Variants in PTPRN2 observed in about 807,000 individuals in gnomAD.
PTPRN2 encodes the protein protein tyrosine phosphatase receptor type N2, also known as receptor-type tyrosine-protein phosphatase N2.
A neutral mutation model predicts 118.8 loss-of-function variants in PTPRN2; 74 were observed. The ratio of observed to expected loss-of-function variants is 0.62; its 90% CI spans 0.52 to 0.76. The LOEUF is 0.76. Among genes scored for constraint, PTPRN2 ranks in the 30% least tolerant of loss-of-function variants. The pLI is 0.00. For missense variants in PTPRN2, 1,481 were observed against 1,394.4 expected, an observed-to-expected ratio of 1.06 and a Z score of -0.99; for synonymous variants, 641 against 608.0, an observed-to-expected ratio of 1.05 and a Z score of -0.80.
At chr7:158,406,711 T>G (rs1391377836) in intron 2 of PTPRN2, among the ~76,000 whole-genome samples, 3 of 152,202 alleles carry the variant, frequency 2.0e-5, no homozygotes, top group Non-Finnish European at 4.4e-5. Flanking sequence ...CTACCTCTCA[T>G]CCCCATGCCA....
chr7:157,588,159 T>G (rs1800781186), intron 17 of PTPRN2, among the ~76,000 whole-genome samples: 1 of 152,248 alleles, frequency 6.6e-6, no homozygotes, highest in Non-Finnish European at 1.5e-5. Context: ...TAGAAACAGC[T>G]GTTGTGTATC....
intron 11 of PTPRN2, among the ~76,000 whole-genome samples, chr7:157,905,244 A>G (rs933680733): frequency 3.3e-5 from 5 of 152,134 alleles, no homozygotes; most frequent in African/African-American, 1.2e-4. Flanking sequence ...AATACTGCCA[A>G]TTTTTAAGTC....
rs3832496 is a variant in PTPRN2, at chr7:157,539,699, TCTC to T, written c.*1012_*1014del. 54,749 of 151,810 alleles carry T rather than the reference TCTC, an allele frequency of 0.36. 10,498 individuals are homozygous for T. The highest frequency in any genetic ancestry group is 0.47 in the Middle Eastern group (136 of 292). 9.4% of individuals were successfully genotyped at this position (151,810 alleles called of 1,614,324 possible). On this transcript the variant is annotated 3_prime_UTR_variant, in exon 23 of 23. Transcript: ENST00000389418. ...ACGCAGTGCGTGCAGGTCGCCCTGA[TCTC>T]CTCTCCCGGGAGGGAAATGCTCGCA... is the stretch of plus-strand genomic sequence containing the variant.
At chr7:158,484,123 G>A (rs1447006951) in intron 2 of PTPRN2, among the ~76,000 whole-genome samples, 2 of 152,118 alleles carry the variant, frequency 1.3e-5, no homozygotes, top group Admixed American at 6.5e-5. Context: ...CAACCTTGGC[G>A]ACAGAACAAG....
intron 2 of PTPRN2, among the ~76,000 whole-genome samples, chr7:158,375,670 T>C (rs1009837310): frequency 6.6e-6 from 1 of 152,234 alleles, no homozygotes; most frequent in Non-Finnish European, 1.5e-5. Context: ...TGGCCTCCCA[T>C]GCCTGCCTAT....
intron 5 of PTPRN2, among the ~76,000 whole-genome samples, chr7:158,168,176 A>G (rs557192539): frequency 2.0e-5 from 3 of 152,270 alleles, no homozygotes; most frequent in South Asian, 4.2e-4. Context: ...TGTTTTTACT[A>G]TGGTTGTCCT....
At chr7:157,657,298 T>C (rs989986211) in intron 13 of PTPRN2, among the ~76,000 whole-genome samples, 3 of 32,702 alleles carry the variant, frequency 9.2e-5, no homozygotes, top group Admixed American at 4.5e-4. Flanking sequence ...ACATCACACA[T>C]ATACACACAC....
At chr7:157,999,150 C>G (rs1332224276) in intron 11 of PTPRN2, among the ~76,000 whole-genome samples, 1 of 152,060 alleles carries the variant, frequency 6.6e-6, no homozygotes, top group Admixed American at 6.5e-5. Flanking sequence ...ACAGCCAGCC[C>G]CTCACACCCC....
intron 12 of PTPRN2, chr7:157,863,805 C>T (rs55750670): frequency 0.03 from 4,617 of 152,296 alleles, 163 homozygotes; most frequent in East Asian, 0.21. Flanking sequence ...CAGACGTGCA[C>T]GTGTGGAGAC....
intron 2 of PTPRN2, among the ~76,000 whole-genome samples, chr7:158,448,334 TCTTA>T: frequency 6.6e-6 from 1 of 152,352 alleles, no homozygotes; most frequent in African/African-American, 2.4e-5. Context: ...ATGTATTGCT[TCTTA>T]ATTAGAGAAA....
intron 2 of PTPRN2, among the ~76,000 whole-genome samples, chr7:158,455,705 AACGGC>A (rs1161643320): frequency 9.9e-5 from 14 of 142,036 alleles, no homozygotes; most frequent in South Asian, 2.5e-4. Flanking sequence ...CAGAGAAGAC[AACGGC>A]ATGGACGCCA....
intron 11 of PTPRN2, among the ~76,000 whole-genome samples, chr7:157,952,377 C>CG: frequency 9.2e-6 from 1 of 108,162 alleles, no homozygotes; most frequent in African/African-American, 3.7e-5. Context: ...GTGGGACAGG[C>CG]AAGGGTGGGT....
chr7:157,843,467 C>T (rs1324007366), intron 12 of PTPRN2, among the ~76,000 whole-genome samples: 1 of 152,224 alleles, frequency 6.6e-6, no homozygotes, highest in Non-Finnish European at 1.5e-5. Context: ...CTCTGCCTTC[C>T]TCCACCTGGA....
chr7:158,341,195 G>T (rs1432332306), intron 2 of PTPRN2, among the ~76,000 whole-genome samples: 3 of 147,772 alleles, frequency 2.0e-5, no homozygotes, highest in East Asian at 2.0e-4. Context: ...CTCACCATAA[G>T]AGGTAACACC....
intron 2 of PTPRN2, among the ~76,000 whole-genome samples, chr7:158,337,759 G>A (rs914424529): frequency 1.0e-3 from 90 of 89,774 alleles, no homozygotes; most frequent in Middle Eastern, 7.5e-3. Context: ...CATAAGAGGT[G>A]ACACCTGCAA....
intron 2 of PTPRN2, among the ~76,000 whole-genome samples, chr7:158,440,596 GTGA>G (rs1401734976): frequency 8.6e-5 from 13 of 150,990 alleles, no homozygotes; most frequent in Non-Finnish European, 1.8e-4. Flanking sequence ...AATGGTGGTG[GTGA>G]TGGTGGTAAT....
intron 2 of PTPRN2, among the ~76,000 whole-genome samples, chr7:158,466,759 G>A (rs1367380971): frequency 6.6e-6 from 1 of 152,192 alleles, no homozygotes; most frequent in East Asian, 1.9e-4. Flanking sequence ...TGTGCAAGTT[G>A]GCCAGGTGCA....
At position 157,618,739 on chromosome 7, in the gene PTPRN2, T is replaced by G. The variant is rs886870016; in HGVS notation, c.2344+2623A>C. 6.6e-6 allele frequency: 1 copy of G among 152,234 alleles called. No homozygotes were observed. The highest frequency in any genetic ancestry group is 2.4e-5 in the African/African-American group (1 of 41,462). 9.4% of individuals were successfully genotyped at this position (152,234 alleles called of 1,614,324 possible). On this transcript the variant is annotated intron_variant, in intron 15 of 22. Transcript: ENST00000389418. This position sits in a 1 kb window ranked among gnomAD's most constrained non-coding sequence, Gnocchi z 4.2. Reference sequence around the variant, plus strand: ...GAGAAGAAAGTAGGTAATACAAGTTTGCTCAGAATAAACCTATGTGTTCAT... The same window carrying G: ...GAGAAGAAAGTAGGTAATACAAGTTGGCTCAGAATAAACCTATGTGTTCAT...
rs114925757 is a variant in PTPRN2, at chr7:158,217,529, T to C, written c.278-12256A>G. Among the ~76,000 whole-genome samples the C allele has an allele frequency of 7.4e-3, 1,133 of 152,280 alleles. 16 individuals carry two copies. The highest frequency in any genetic ancestry group is 0.026 in the African/African-American group (1,069 of 41,546). ...ACAGATGAGAAAACAGCACAAGAAC[T>C]CTGGCAGTTCTAAAAGCCAGAGTGT... On this transcript the variant is annotated intron_variant, in intron 3 of 22. Transcript: ENST00000389418.
Sources: gnomAD v4.1 joint callset for allele counts (sites outside exome capture counted in the v4.1 genomes callset) on GRCh38, gnomAD v4.1.1 for gene constraint, Gnocchi (gnomAD v3.1) non-coding constraint, MANE v1.5 for transcripts, NCBI Gene and HGNC (gene_info 2026-07-23, HGNC 2026-07-21) for gene names.